PRKACB: variants seen among roughly 807,000 people sequenced by gnomAD.
PRKACB encodes the protein protein kinase cAMP-activated catalytic subunit beta.
Under a neutral mutation model 51.4 loss-of-function variants are expected in PRKACB, and 16 were observed. The ratio of observed to expected loss-of-function variants is 0.31; its 90% CI spans 0.21 to 0.47. The LOEUF is 0.47. Among genes scored for constraint, PRKACB ranks in the 20% least tolerant of loss-of-function variants. The probability of loss-of-function intolerance (pLI) is 1.00; values close to 1 mark genes in which losing one functional copy is unlikely to be tolerated. For synonymous variants in PRKACB, 147 were observed against 154.4 expected, an observed-to-expected ratio of 0.95 and a Z score of 0.35; for missense variants, 309 against 464.5, an observed-to-expected ratio of 0.67 and a Z score of 3.08.
intron 9 of PRKACB, among the ~76,000 whole-genome samples, chr1:84,230,775 T>C (rs1242155562): frequency 6.7e-6 from 1 of 149,350 alleles, no homozygotes; most frequent in Non-Finnish European, 1.5e-5. Flanking sequence ...TTTTTGTACA[T>C]TGATTTTGTA....
chr1:84,179,036 A>G, intron 1 of PRKACB, 141 bp from the exon 2 acceptor site: 2 of 990,650 alleles, frequency 2.0e-6, no homozygotes, highest in Non-Finnish European at 2.9e-6. Context: ...TCTTTAATGT[A>G]TCATGGTGAT....
intron 1 of PRKACB, among the ~76,000 whole-genome samples, chr1:84,166,904 G>A (rs1021653629): frequency 6.6e-6 from 1 of 151,454 alleles, no homozygotes; most frequent in African/African-American, 2.4e-5. Context: ...TTACCTGAAC[G>A]TTCAGTTCAA....
At chr1:84,161,299 C>A (rs1429069577) in intron 1 of PRKACB, among the ~76,000 whole-genome samples, 1 of 151,766 alleles carries the variant, frequency 6.6e-6, no homozygotes, top group African/African-American at 2.4e-5. Context: ...CTTATGGTTA[C>A]TGTTTGCATG....
intron 6 of PRKACB, 68 bp from the exon 7 acceptor site, chr1:84,197,661 G>T: frequency 3.0e-6 from 3 of 1,002,182 alleles, no homozygotes; most frequent in African/African-American, 1.7e-5. Context: ...AACTTTCAAC[G>T]TAGGTGCAAT....
intron 1 of PRKACB, among the ~76,000 whole-genome samples, chr1:84,171,633 A>T (rs1659503026): frequency 6.6e-6 from 1 of 151,666 alleles, no homozygotes; most frequent in Admixed American, 6.6e-5. Flanking sequence ...AGTTGGGAAT[A>T]GGAAAAGGAT....
intron 1 of PRKACB, among the ~76,000 whole-genome samples, chr1:84,162,466 C>T (rs1319876723): frequency 6.6e-6 from 1 of 151,892 alleles, no homozygotes; most frequent in African/African-American, 2.4e-5. Flanking sequence ...AGGCTCTGTC[C>T]ACTTTTCTCC....
chr1:84,107,841 G>A (rs1273109347), intron 1 of PRKACB, among the ~76,000 whole-genome samples: 1 of 151,992 alleles, frequency 6.6e-6, no homozygotes, highest in East Asian at 1.9e-4. Context: ...ATAACATGCT[G>A]ACAAGCTTGC....
intron 1 of PRKACB, among the ~76,000 whole-genome samples, chr1:84,110,202 A>G (rs980021562): frequency 6.6e-6 from 1 of 152,016 alleles, no homozygotes; most frequent in African/African-American, 2.4e-5. Context: ...AAACAGTAAA[A>G]GATAACAATA....
At position 84,214,316 on chromosome 1, in the gene PRKACB, A is replaced by G. The variant is rs200388700; in HGVS notation, c.1070A>G (p.Lys357Arg). ...TTDWIAIYQRKVEAPFIPKFR... is the reference protein window; with the variant it reads ...TTDWIAIYQRRVEAPFIPKFR... Reference sequence around the variant, plus strand: ...GATTGGATTGCTATTTACCAGAGGAAGGTGAGACTTTCTTTTTTAATTTAA... The same window carrying G: ...GATTGGATTGCTATTTACCAGAGGAGGGTGAGACTTTCTTTTTTAATTTAA... The change falls in exon 9 of 10, where the codon AAG (lysine) becomes AGG (arginine). Residue 357 changes from lysine (K) to arginine (R), a missense_variant and splice_region_variant. Physicochemically the swap from Lys to Arg is conservative, Grantham distance 26 (BLOSUM62 2). This residue lies in a region of PRKACB where 96 missense variants were observed against 129.9 expected (regional missense o/e 0.74). Transcript: ENST00000370685. 1 of 1,566,346 alleles carries G rather than the reference A, an allele frequency of 6.4e-7. No homozygotes were observed. The highest frequency in any genetic ancestry group is 8.6e-7 in the Non-Finnish European group (1 of 1,159,688).
intron 3 of PRKACB, among the ~76,000 whole-genome samples, chr1:84,182,548 A>G (rs1221786940): frequency 6.6e-6 from 1 of 152,018 alleles, no homozygotes; most frequent in Non-Finnish European, 1.5e-5. Context: ...CATGGATTTA[A>G]CCAATCACAG....
intron 1 of PRKACB, among the ~76,000 whole-genome samples, chr1:84,080,440 G>A (rs188108624): frequency 1.3e-5 from 2 of 152,206 alleles, no homozygotes; most frequent in Admixed American, 6.5e-5. Context: ...AGCTTTTTGT[G>A]TAACTTTATT....
At chr1:84,101,598 A>G (rs1649355800) in intron 1 of PRKACB, among the ~76,000 whole-genome samples, 2 of 152,184 alleles carry the variant, frequency 1.3e-5, no homozygotes, top group African/African-American at 4.8e-5. Context: ...ACCACAGCCA[A>G]AAAAGATTTC....
intron 5 of PRKACB, among the ~76,000 whole-genome samples, chr1:84,195,229 G>A (rs371007656): frequency 2.0e-5 from 3 of 152,180 alleles, no homozygotes; most frequent in African/African-American, 7.2e-5. Flanking sequence ...ACAGTGTTGG[G>A]ATGAAGCTGA....
chr1:84,084,647 T>C (rs1647819161), intron 1 of PRKACB, among the ~76,000 whole-genome samples: 1 of 152,006 alleles, frequency 6.6e-6, no homozygotes, highest in African/African-American at 2.4e-5. Context: ...ATTTGAAAAA[T>C]TGAGCAGAAT....
intron 1 of PRKACB, among the ~76,000 whole-genome samples, chr1:84,115,385 A>G (rs938707233): frequency 6.6e-6 from 1 of 151,778 alleles, no homozygotes; most frequent in African/African-American, 2.4e-5. Context: ...TGTTTTTCCT[A>G]TTAAGTTTTT....
intron 1 of PRKACB, chr1:84,164,525 G>C (rs980293365): frequency 1.8e-5 from 26 of 1,475,320 alleles, no homozygotes; most frequent in Non-Finnish European, 2.3e-5. Flanking sequence ...ATAATCATGT[G>C]GCTCTAAAAT....
chr1:84,163,935 C>T (rs891664687), intron 1 of PRKACB, among the ~76,000 whole-genome samples: 1 of 151,902 alleles, frequency 6.6e-6, no homozygotes, highest in African/African-American at 2.4e-5. Flanking sequence ...ATCTGTTCAC[C>T]ATGCTACCCA....
At chr1:84,121,632 A>T (rs1192560490) in intron 1 of PRKACB, among the ~76,000 whole-genome samples, 1 of 152,082 alleles carries the variant, frequency 6.6e-6, no homozygotes, top group Non-Finnish European at 1.5e-5. Context: ...TGCTATTAAA[A>T]TATCTTACTT....
chr1:84,147,716 A>G (rs1654293709), intron 1 of PRKACB, among the ~76,000 whole-genome samples: 1 of 152,092 alleles, frequency 6.6e-6, no homozygotes, highest in Non-Finnish European at 1.5e-5. Context: ...AAAAATATTA[A>G]AGAATGAATA....
Sources: gnomAD v4.1 joint callset for allele counts (sites outside exome capture counted in the v4.1 genomes callset) on GRCh38, gnomAD v4.1.1 for gene constraint, gnomAD v4.1.1 regional missense constraint, MANE v1.5 for transcripts, NCBI Gene and HGNC (gene_info 2026-07-23, HGNC 2026-07-21) for gene names.